Variants in KLHL1 observed in about 807,000 individuals in gnomAD.
KLHL1 encodes kelch-like protein 1.
A neutral mutation model predicts 77.7 loss-of-function variants in KLHL1; 47 were observed. That is an observed-to-expected ratio of 0.60 (90% CI 0.48 to 0.77). The LOEUF (loss-of-function observed/expected upper bound fraction) is 0.77. KLHL1 is among the 30% of genes least tolerant of loss of function. The pLI, the probability that KLHL1 is intolerant of heterozygous loss-of-function variation, is 0.00. For missense variants in KLHL1, 925 were observed against 910.8 expected, an observed-to-expected ratio of 1.02 and a Z score of -0.20; for synonymous variants, 360 against 325.2, an observed-to-expected ratio of 1.11 and a Z score of -1.15.
At chr13:69,914,255 C>G (rs1020644596) in intron 4 of KLHL1, among the ~76,000 whole-genome samples, 46 of 152,112 alleles carry the variant, frequency 3.0e-4, no homozygotes, top group African/African-American at 1.0e-3. Context: ...TTGACTGAGA[C>G]GCAGAGCACA....
intron 1 of KLHL1, among the ~76,000 whole-genome samples, chr13:70,021,295 C>G (rs969296373): frequency 6.6e-6 from 1 of 152,088 alleles, no homozygotes; most frequent in South Asian, 2.1e-4. Flanking sequence ...TTTCCACTCA[C>G]TAATATGCAT....
intron 6 of KLHL1, among the ~76,000 whole-genome samples, chr13:69,825,011 T>A (rs1159723055): frequency 6.6e-6 from 1 of 152,098 alleles, no homozygotes; most frequent in Non-Finnish European, 1.5e-5. Context: ...ATTAAAAAAT[T>A]GATGAGTGAT....
At chr13:69,764,513 C>G (rs1438050025) in intron 7 of KLHL1, among the ~76,000 whole-genome samples, 1 of 149,782 alleles carries the variant, frequency 6.7e-6, no homozygotes, top group African/African-American at 2.5e-5. Context: ...TGAATAAAGT[C>G]CTAAATTCAT....
chr13:69,902,663 C>A (rs1478901485), intron 4 of KLHL1, among the ~76,000 whole-genome samples: 2 of 150,772 alleles, frequency 1.3e-5, no homozygotes. Context: ...AGGACAAAAA[C>A]CAAACACCAC....
intron 1 of KLHL1, among the ~76,000 whole-genome samples, chr13:70,013,733 A>G (rs766692830): frequency 6.6e-6 from 1 of 152,158 alleles, no homozygotes; most frequent in Non-Finnish European, 1.5e-5. Context: ...AGGATGTATT[A>G]TTTTAGCTCT....
chr13:69,845,645 C>T (rs2138121966), intron 5 of KLHL1, among the ~76,000 whole-genome samples: 1 of 151,468 alleles, frequency 6.6e-6, no homozygotes, highest in Non-Finnish European at 1.5e-5. Context: ...TATAAACACA[C>T]AAAAAATGAG....
At chr13:69,779,684 G>T (rs1358634346) in intron 7 of KLHL1, among the ~76,000 whole-genome samples, 1 of 152,028 alleles carries the variant, frequency 6.6e-6, no homozygotes, top group Admixed American at 6.6e-5. Context: ...TTAGTAGTAA[G>T]AAATGTAACA....
intron 7 of KLHL1, among the ~76,000 whole-genome samples, chr13:69,773,534 T>C (rs922206586): frequency 6.6e-6 from 1 of 152,004 alleles, no homozygotes; most frequent in Non-Finnish European, 1.5e-5. Flanking sequence ...TAAGAGAACA[T>C]GTAGAATTGC....
chr13:69,947,739 G>A (rs1370363505), intron 3 of KLHL1, among the ~76,000 whole-genome samples: 1 of 151,998 alleles, frequency 6.6e-6, no homozygotes, highest in Non-Finnish European at 1.5e-5. Context: ...AGTCACAAAT[G>A]GAATATTAGC....
intron 7 of KLHL1, among the ~76,000 whole-genome samples, chr13:69,781,206 C>T (rs977237513): frequency 6.6e-6 from 1 of 151,648 alleles, no homozygotes; most frequent in Non-Finnish European, 1.5e-5. Context: ...AGTTTTTCCT[C>T]TACCTTTCCT....
intron 1 of KLHL1, among the ~76,000 whole-genome samples, chr13:69,983,787 G>C (rs1292626363): frequency 6.6e-6 from 1 of 151,600 alleles, no homozygotes; most frequent in Non-Finnish European, 1.5e-5. Flanking sequence ...TAAATAAAAA[G>C]AGCTATACTA....
chr13:70,022,747 C>T (rs1885836766), intron 1 of KLHL1, among the ~76,000 whole-genome samples: 1 of 151,862 alleles, frequency 6.6e-6, no homozygotes, highest in South Asian at 2.1e-4. Flanking sequence ...TTACATGCTA[C>T]CATCTGAAAA....
intron 5 of KLHL1, among the ~76,000 whole-genome samples, chr13:69,871,793 AT>A (rs1279760057): frequency 1.3e-5 from 2 of 148,670 alleles, no homozygotes; most frequent in Admixed American, 6.7e-5. Context: ...TAAGTTCCTC[AT>A]TTTCACCTGA....
chr13:69,982,234 G>C (rs991332267), intron 1 of KLHL1, among the ~76,000 whole-genome samples: 2 of 151,766 alleles, frequency 1.3e-5, no homozygotes, highest in Admixed American at 6.6e-5. Context: ...AGGAGTTTGA[G>C]ACCAGCCTGG....
chr13:69,703,393 G>A (rs1038536293), intron 10 of KLHL1, among the ~76,000 whole-genome samples: 2 of 151,026 alleles, frequency 1.3e-5, no homozygotes, highest in African/African-American at 4.9e-5. Context: ...GTGCTTTAAT[G>A]TAACTATTAC....
chr13:70,069,542 T>G (rs1887091572), intron 1 of KLHL1, among the ~76,000 whole-genome samples: 1 of 152,072 alleles, frequency 6.6e-6, no homozygotes, highest in Non-Finnish European at 1.5e-5. Flanking sequence ...AATTCAGAAT[T>G]ATAAGACTAA....
intron 7 of KLHL1, among the ~76,000 whole-genome samples, chr13:69,761,353 T>C (rs1356820616): frequency 1.3e-5 from 2 of 152,144 alleles, no homozygotes; most frequent in African/African-American, 2.4e-5. Context: ...TGTGGTTGGC[T>C]GAAACTCTAT....
intron 2 of KLHL1, among the ~76,000 whole-genome samples, chr13:69,961,789 C>T (rs377048767): frequency 6.6e-6 from 1 of 150,608 alleles, no homozygotes; most frequent in African/African-American, 2.4e-5. Context: ...AATTTGAACG[C>T]ATAACATATA....
At chr13:69,775,488 A>G (rs1262449619) in intron 7 of KLHL1, among the ~76,000 whole-genome samples, 2 of 152,174 alleles carry the variant, frequency 1.3e-5, no homozygotes, top group African/African-American at 4.8e-5. Context: ...TCTATATATG[A>G]CAATTGTTTA....
Sources: gnomAD v4.1 joint callset for allele counts (sites outside exome capture counted in the v4.1 genomes callset) on GRCh38, gnomAD v4.1.1 for gene constraint, MANE v1.5 for transcripts, NCBI Gene and HGNC (gene_info 2026-07-23, HGNC 2026-07-21) for gene names.